The following CDC42BPB variants were observed in gnomAD, a reference collection of about 807,000 sequenced individuals.
CDC42BPB encodes the protein CDC42 binding protein kinase beta, also known as serine/threonine-protein kinase MRCK beta.
A neutral mutation model predicts 214.9 loss-of-function variants in CDC42BPB; 37 were observed. That is an observed-to-expected ratio of 0.17 (90% confidence interval 0.13 to 0.23). The LOEUF is 0.23. Among genes scored for constraint, CDC42BPB ranks in the 10% least tolerant of loss-of-function variants. The pLI is 1.00. For synonymous variants in CDC42BPB, 931 were observed against 884.0 expected (o/e 1.05, Z -0.94); for missense variants, 1,694 against 2,227.0 (o/e 0.76, Z 4.82).
chr14:102,953,155 T>C (rs2139402379), intron 23 of CDC42BPB, among the ~76,000 whole-genome samples: 1 of 152,336 alleles, frequency 6.6e-6, no homozygotes, highest in Middle Eastern at 3.4e-3. Flanking sequence ...GTGCAGGCCA[T>C]GCGGGACCGC....
At position 102,933,138 on chromosome 14, in the gene CDC42BPB, G is replaced by A. The variant is rs1446005479; in HGVS notation, c.*574C>T. 6.6e-6 allele frequency: 1 copy of A among 152,520 alleles called. No individual in the cohort carries two copies. Among genetic ancestry groups the A allele is most frequent in the Admixed American group, 6.5e-5 (1 of 15,278 alleles). The allele number at this position is 152,520 out of a possible 1,614,324, so 9.4% of individuals were successfully genotyped here. A position where few individuals can be genotyped will look rare whatever the true frequency, so the allele number is the denominator to read the frequency against. On this transcript the variant is annotated 3_prime_UTR_variant, in exon 37 of 37. Transcript: ENST00000361246. ...CACACAGGGACGCAGGGTGTCACTG[G>A]TCCTGGGCCTTTGTCCATGACTAGG...
intron 1 of CDC42BPB, among the ~76,000 whole-genome samples, chr14:103,013,607 G>C (rs1886281833): frequency 6.6e-6 from 1 of 152,246 alleles, no homozygotes; most frequent in South Asian, 2.1e-4. Flanking sequence ...AACAAGACTG[G>C]TGTCCTTCTA....
intron 31 of CDC42BPB, 32 bp downstream of exon 31, chr14:102,940,195 G>A (rs370233805): frequency 5.0e-6 from 8 of 1,611,124 alleles, no homozygotes; most frequent in Admixed American, 3.4e-5. Flanking sequence ...GGAGAAGCCC[G>A]CCCGCACAGG....
At chr14:102,941,399 C>G (rs1004341950) in intron 30 of CDC42BPB, 95 of 985,326 alleles carry the variant, frequency 9.6e-5, no homozygotes, top group Non-Finnish European at 1.1e-4. Context: ...GACTTTTCTT[C>G]TGAATACAAA....
intron 2 of CDC42BPB, 72 bp downstream of exon 2, chr14:103,012,025 C>T (rs1056762643): frequency 2.1e-6 from 2 of 970,978 alleles, no homozygotes; most frequent in African/African-American, 3.2e-5. Flanking sequence ...TATAGGTGCA[C>T]AAAAAGGTGA....
rs1892039555 is a variant in CDC42BPB at position 102,944,225 on chromosome 14, C to T, written c.4074G>A (p.Gln1358=). 6.2e-7 allele frequency: 1 copy of T among 1,613,328 alleles called. No homozygotes were observed. Among genetic ancestry groups the T allele is most frequent in the Non-Finnish European group, 8.5e-7 (1 of 1,180,042 alleles). ...VKRLILCYEI[Q]RTKPFHRKFN... is the part of the protein sequence containing the mutation. ...ACTTTCTGTGGAATGGCTTCGTTCTCTGGATCTCATAGCAAAGGATCAGCC... is the reference window on the plus strand; with the variant it reads ...ACTTTCTGTGGAATGGCTTCGTTCTTTGGATCTCATAGCAAAGGATCAGCC... The change falls in exon 30 of 37, where the codon CAG becomes CAA. Residue 1358 remains glutamine (Q), a synonymous_variant. Transcript: ENST00000361246. This position sits in a 1 kb window ranked among gnomAD's most constrained non-coding sequence, Gnocchi z 6.6.
At chr14:102,993,081 C>T (rs1241858993) in intron 5 of CDC42BPB, among the ~76,000 whole-genome samples, 2 of 152,136 alleles carry the variant, frequency 1.3e-5, no homozygotes, top group Non-Finnish European at 2.9e-5. Context: ...CCACACACCT[C>T]GGCCTCCCAA....
chr14:102,985,079 A>G (rs1287191643), intron 6 of CDC42BPB, among the ~76,000 whole-genome samples: 3 of 133,968 alleles, frequency 2.2e-5, no homozygotes, highest in Non-Finnish European at 3.2e-5. Context: ...TGGTTATACC[A>G]TGACGGGGTG....
intron 13 of CDC42BPB, 96 bp from the exon 14 acceptor site, chr14:102,970,357 G>A (rs940225887): frequency 2.7e-6 from 4 of 1,495,674 alleles, no homozygotes; most frequent in Non-Finnish European, 3.6e-6. Context: ...ACAAGACCTC[G>A]AAGGAGCTCT....
At chr14:103,023,772 T>C (rs1886898916) in intron 1 of CDC42BPB, among the ~76,000 whole-genome samples, 1 of 152,204 alleles carries the variant, frequency 6.6e-6, no homozygotes, top group Non-Finnish European at 1.5e-5. Context: ...TTATATTAAA[T>C]ATATATCTTC....
chr14:103,041,773 T>C, intron 1 of CDC42BPB: 1 of 491,426 alleles, frequency 2.0e-6, no homozygotes, highest in Non-Finnish European at 3.8e-6. Context: ...AAGGAGGCAG[T>C]ACGAGTCCAC....
chr14:102,956,506 C>T (rs1056008695), intron 21 of CDC42BPB: 10 of 668,890 alleles, frequency 1.5e-5, no homozygotes, highest in Admixed American at 6.3e-5. Context: ...TTTTTCTGTT[C>T]AACAATAAAT....
chr14:103,048,533 A>C (rs1888422117), intron 1 of CDC42BPB, among the ~76,000 whole-genome samples: 1 of 50,786 alleles, frequency 2.0e-5, no homozygotes, highest in East Asian at 4.2e-4. Context: ...CTAAAAATAC[A>C]AAAAAAAAAA....
intron 1 of CDC42BPB, among the ~76,000 whole-genome samples, chr14:103,031,444 T>C (rs1887369741): frequency 6.6e-6 from 1 of 152,224 alleles, no homozygotes; most frequent in South Asian, 2.1e-4. Flanking sequence ...GTTTAACATT[T>C]TGCAAAAGGA....
chr14:102,936,797 A>G (rs1473782130), intron 36 of CDC42BPB: 1 of 152,188 alleles, frequency 6.6e-6, no homozygotes, highest in Non-Finnish European at 1.5e-5. Flanking sequence ...TAGAGTGGAA[A>G]TGTTTCTGAA....
At chr14:102,951,712 GGGA>G (rs1404582302) in intron 24 of CDC42BPB, among the ~76,000 whole-genome samples, 5 of 152,232 alleles carry the variant, frequency 3.3e-5, no homozygotes, top group Non-Finnish European at 7.4e-5. Context: ...ACTTGAATCT[GGGA>G]GGCAGCGGTT....
At chr14:102,959,838 T>TAAACAAA (rs1892876673) in intron 20 of CDC42BPB, 128 bp from the exon 21 acceptor site, 1 of 653,976 alleles carries the variant, frequency 1.5e-6, no homozygotes, top group East Asian at 1.5e-4. Flanking sequence ...TGATCACAAT[T>TAAACAAA]AAAAAAAAAA....
chr14:102,957,739 T>C (rs1478440106), intron 21 of CDC42BPB, among the ~76,000 whole-genome samples: 3 of 152,208 alleles, frequency 2.0e-5, no homozygotes, highest in African/African-American at 7.2e-5. Flanking sequence ...CAGGCCAGGA[T>C]GCTAAGAGTC....
At chr14:102,986,697 G>A (rs955653252) in intron 5 of CDC42BPB, 117 bp from the exon 6 acceptor site, 26 of 1,434,910 alleles carry the variant, frequency 1.8e-5, no homozygotes, top group Non-Finnish European at 2.4e-5. Context: ...GTGAACAGCT[G>A]TCACCATCCA....
Sources: gnomAD v4.1 joint callset for allele counts (sites outside exome capture counted in the v4.1 genomes callset) on GRCh38, gnomAD v4.1.1 for gene constraint, Gnocchi (gnomAD v3.1) non-coding constraint, MANE v1.5 for transcripts, NCBI Gene and HGNC (gene_info 2026-07-23, HGNC 2026-07-21) for gene names.